SLC35D1: variants seen among roughly 807,000 people sequenced by gnomAD.
SLC35D1 encodes the protein solute carrier family 35 member D1, also known as nucleotide sugar transporter SLC35D1.
In SLC35D1, 31 loss-of-function variants were observed where a neutral mutation model predicts 46.7. The ratio of observed to expected loss-of-function variants is 0.66; its 90% CI spans 0.50 to 0.90. The LOEUF (loss-of-function observed/expected upper bound fraction) is 0.90. Among genes scored for constraint, SLC35D1 ranks in the 40% least tolerant of loss-of-function variants. The pLI is 0.00. For synonymous variants in SLC35D1, 195 were observed against 164.6 expected (o/e 1.18, Z -1.41); for missense variants, 397 against 426.2 (o/e 0.93, Z 0.60).
the SLC35D1 span, among the ~76,000 whole-genome samples, chr1:66,989,267 G>T: frequency 6.6e-6 from 1 of 152,074 alleles, no homozygotes; most frequent in Non-Finnish European, 1.5e-5. Flanking sequence ...TGCAAATTTG[G>T]CCTGGTTATA....
At chr1:66,981,903 A>G in the SLC35D1 span, 16 of 1,613,752 alleles carry the variant, frequency 9.9e-6, no homozygotes, top group Non-Finnish European at 8.5e-7. Context: ...CACTGTAAGC[A>G]CTGCTAATCA....
In SLC35D1 at chr1:67,054,057, C is replaced by G. The variant is rs1056633371; in HGVS notation, c.-44G>C. On this transcript the variant is annotated 5_prime_UTR_variant, in exon 1 of 12. Transcript: ENST00000235345. ...GGCCTGGCGGCGGGGCCTAGCGGCT[C>G]GGGGGCCTGCAGCGGCAGCTCCCAG... The G allele has an allele frequency of 1.3e-6, 2 of 1,595,148 alleles. No individual in the cohort carries two copies. Among genetic ancestry groups the G allele is most frequent in the African/African-American group, 1.3e-5 (1 of 74,190 alleles).
downstream of SLC35D1, among the ~76,000 whole-genome samples, chr1:66,996,024 GT>G (rs1379833411): frequency 1.3e-5 from 2 of 152,170 alleles, no homozygotes; most frequent in Non-Finnish European, 2.9e-5. Flanking sequence ...CAAAGTCCAG[GT>G]TTACATTTCT....
At chr1:66,981,861 A>G in the SLC35D1 span, 1 of 1,614,124 alleles carries the variant, frequency 6.2e-7, no homozygotes, top group African/African-American at 1.3e-5. Context: ...TGCATCAAAC[A>G]GTAGTAACAG....
chr1:66,995,536 G>A (rs138971625), downstream of SLC35D1, among the ~76,000 whole-genome samples: 23 of 147,954 alleles, frequency 1.6e-4, no homozygotes, highest in Non-Finnish European at 3.3e-4. Flanking sequence ...GATGAAATAA[G>A]GGAGAGAAGA....
chr1:66,974,375 GAA>G, the SLC35D1 span, among the ~76,000 whole-genome samples: 2 of 151,284 alleles, frequency 1.3e-5, no homozygotes, highest in African/African-American at 4.9e-5. Context: ...GATTAAAAAA[GAA>G]AAAAGTTCGT....
chr1:67,025,079 A>G (rs1411588416), intron 8 of SLC35D1, among the ~76,000 whole-genome samples: 1 of 152,124 alleles, frequency 6.6e-6, no homozygotes, highest in Non-Finnish European at 1.5e-5. Context: ...AACACCAGTC[A>G]TATTGAATTA....
intron 10 of SLC35D1, among the ~76,000 whole-genome samples, chr1:67,014,061 C>T (rs1027026437): frequency 3.3e-5 from 5 of 152,102 alleles, no homozygotes; most frequent in African/African-American, 7.2e-5. Flanking sequence ...TTATTAGGCC[C>T]TAAAAACTAC....
intron 6 of SLC35D1, among the ~76,000 whole-genome samples, chr1:67,048,288 G>A (rs999705236): frequency 6.6e-6 from 1 of 152,204 alleles, no homozygotes; most frequent in African/African-American, 2.4e-5. Flanking sequence ...GGTCCAGACA[G>A]TAATCCTTTT....
chr1:67,015,540 C>T (rs1218392487), intron 10 of SLC35D1, among the ~76,000 whole-genome samples: 2 of 152,040 alleles, frequency 1.3e-5, no homozygotes, highest in African/African-American at 4.8e-5. Flanking sequence ...CAGGTGCATG[C>T]CACCATGCTC....
intron 10 of SLC35D1, among the ~76,000 whole-genome samples, chr1:67,010,270 C>T (rs1667537130): frequency 6.6e-6 from 1 of 152,172 alleles, no homozygotes; most frequent in Non-Finnish European, 1.5e-5. Context: ...ATCGTTTGTA[C>T]ACCAGGCCTC....
the SLC35D1 span, among the ~76,000 whole-genome samples, chr1:66,981,030 C>A: frequency 5.9e-5 from 9 of 152,064 alleles, no homozygotes; most frequent in African/African-American, 2.2e-4. Flanking sequence ...GGTTTAGTAG[C>A]ACTTTTTGGA....
intron 10 of SLC35D1, among the ~76,000 whole-genome samples, chr1:67,015,085 T>A (rs1667654095): frequency 7.1e-6 from 1 of 141,250 alleles, no homozygotes; most frequent in Non-Finnish European, 1.5e-5. Flanking sequence ...AACAATTCCA[T>A]ACGCAAAGTA....
intron 8 of SLC35D1, among the ~76,000 whole-genome samples, chr1:67,025,638 A>G (rs1667900751): frequency 6.6e-6 from 1 of 152,240 alleles, no homozygotes; most frequent in African/African-American, 2.4e-5. Context: ...GTGGTGTTGA[A>G]TCTATAGATG....
At chr1:66,985,395 A>G in the SLC35D1 span, 1 of 983,880 alleles carries the variant, frequency 1.0e-6, no homozygotes, top group Non-Finnish European at 1.2e-6. Context: ...GAGTATCTTT[A>G]TTAAGGAAAC....
chr1:67,051,892 G>A, intron 4 of SLC35D1, 120 bp downstream of exon 4: 6 of 715,742 alleles, frequency 8.4e-6, no homozygotes, highest in South Asian at 7.0e-5. Context: ...AGTAATAGAA[G>A]CTTTCTGGTC....
intron 4 of SLC35D1, among the ~76,000 whole-genome samples, chr1:67,051,199 A>G (rs1338514407): frequency 6.6e-6 from 1 of 152,200 alleles, no homozygotes; most frequent in Admixed American, 6.5e-5. Flanking sequence ...CCCTCTTCAG[A>G]GATATCATCT....
rs761301047 is a variant in SLC35D1, at chr1:67,049,867, T to G, written c.465-17A>C. 7.0e-6 allele frequency: 11 copies of G among 1,580,472 alleles called. No individual in the cohort carries two copies. The highest frequency in any genetic ancestry group is 1.7e-5 in the Admixed American group (1 of 59,610). On this transcript the variant is annotated splice_polypyrimidine_tract_variant and intron_variant, in intron 5 of 11. Coordinates refer to ENST00000235345, the MANE Select transcript of SLC35D1 (RefSeq NM_015139.3). ...AAAGTCTTCCTACAAAACAAAAAAT[T>G]TTAAAATACACACATGACTTTATTC...
At chr1:67,026,944 A>C (rs1667925848) in intron 8 of SLC35D1, among the ~76,000 whole-genome samples, 1 of 152,132 alleles carries the variant, frequency 6.6e-6, no homozygotes, top group Non-Finnish European at 1.5e-5. Context: ...CAAGATGAGG[A>C]AACTGCCCCC....
Sources: allele counts gnomAD v4.1 joint callset (sites outside exome capture counted in the v4.1 genomes callset), GRCh38; gene constraint gnomAD v4.1.1; transcripts MANE v1.5; gene names NCBI Gene and HGNC (gene_info 2026-07-23, HGNC 2026-07-21).